Variants in RPGRIP1L observed in about 807,000 individuals in gnomAD.
RPGRIP1L encodes protein fantom.
RPGRIP1L carries 131 observed loss-of-function variants against 160.4 expected under a neutral mutation model. The ratio of observed to expected loss-of-function variants is 0.82; its 90% CI spans 0.71 to 0.94. The LOEUF is 0.94. RPGRIP1L is among the 40% of genes least tolerant of loss of function. RPGRIP1L has a pLI of 0.00. For missense variants in RPGRIP1L, 1,522 were observed against 1,535.8 expected (o/e 0.99, Z 0.15); for synonymous variants, 510 against 515.8 (o/e 0.99, Z 0.15).
intron 26 of RPGRIP1L, 125 bp downstream of exon 26, chr16:53,605,356 G>T: frequency 9.4e-7 from 1 of 1,059,254 alleles, no homozygotes. Flanking sequence ...GTCAACTTGA[G>T]TTGTAAAGGA....
At chr16:53,700,373 C>A (rs1971295268) in intron 2 of RPGRIP1L, among the ~76,000 whole-genome samples, 1 of 152,128 alleles carries the variant, frequency 6.6e-6, no homozygotes, top group African/African-American at 2.4e-5. Flanking sequence ...GTAGTTTCTA[C>A]TGATGTGAGG....
At chr16:53,700,081 G>A (rs1047461648) in intron 2 of RPGRIP1L, among the ~76,000 whole-genome samples, 1 of 152,128 alleles carries the variant, frequency 6.6e-6, no homozygotes, top group Non-Finnish European at 1.5e-5. Context: ...GATAAACACA[G>A]CTCTCTGTTC....
At chr16:53,686,196 A>G (rs572417778) in intron 6 of RPGRIP1L, among the ~76,000 whole-genome samples, 1 of 152,274 alleles carries the variant, frequency 6.6e-6, no homozygotes, top group Admixed American at 6.5e-5. Flanking sequence ...AGAAAACAAG[A>G]TGAGGGTGAT....
intron 4 of RPGRIP1L, among the ~76,000 whole-genome samples, chr16:53,691,102 GT>G (rs1598409247): frequency 6.7e-6 from 1 of 149,964 alleles, no homozygotes; most frequent in Non-Finnish European, 1.5e-5. Context: ...GTTCATAGTG[GT>G]TTTTCGTTTT....
chr16:53,668,312 T>C (rs1346453082), intron 9 of RPGRIP1L, among the ~76,000 whole-genome samples: 2 of 152,178 alleles, frequency 1.3e-5, no homozygotes, highest in Admixed American at 1.3e-4. Flanking sequence ...TCAGTAGTGC[T>C]CTTTTACATT....
intron 24 of RPGRIP1L, among the ~76,000 whole-genome samples, chr16:53,612,971 C>A (rs959900536): frequency 1.3e-5 from 2 of 152,126 alleles, no homozygotes; most frequent in African/African-American, 4.8e-5. Context: ...GAATCTGACT[C>A]CCCGAAGTAT....
intron 6 of RPGRIP1L, 109 bp downstream of exon 6, chr16:53,686,324 A>G: frequency 8.2e-7 from 1 of 1,215,492 alleles, no homozygotes; most frequent in Non-Finnish European, 1.2e-6. Flanking sequence ...ATGTTAAGTA[A>G]AAACATGATT....
At chr16:53,693,138 G>C (rs922440255) in intron 3 of RPGRIP1L, among the ~76,000 whole-genome samples, 3 of 152,204 alleles carry the variant, frequency 2.0e-5, no homozygotes, top group African/African-American at 7.2e-5. Flanking sequence ...AAACATGCCT[G>C]ACAGTGAATG....
chr16:53,604,891 CAT>C (rs1196576740), intron 26 of RPGRIP1L, among the ~76,000 whole-genome samples: 2 of 152,012 alleles, frequency 1.3e-5, no homozygotes, highest in East Asian at 1.9e-4. Context: ...CCTAGAAAAA[CAT>C]GTGGCCAGGC....
At chr16:53,631,912 TA>T (rs1366464377) in intron 22 of RPGRIP1L, among the ~76,000 whole-genome samples, 1 of 152,224 alleles carries the variant, frequency 6.6e-6, no homozygotes, top group African/African-American at 2.4e-5. Context: ...TGACTTGATT[TA>T]ATCCAGCCAC....
At chr16:53,605,761 A>G (rs993999663) in intron 25 of RPGRIP1L, 147 bp from the exon 26 acceptor site, 1 of 796,092 alleles carries the variant, frequency 1.3e-6, no homozygotes, top group African/African-American at 1.7e-5. Context: ...TAGGCTAGAT[A>G]AGTTATTATA....
chr16:53,610,773 T>C (rs1963982139), intron 25 of RPGRIP1L, among the ~76,000 whole-genome samples, 194 bp downstream of exon 25: 1 of 152,218 alleles, frequency 6.6e-6, no homozygotes, highest in South Asian at 2.1e-4. Context: ...AATTACTTTG[T>C]ATAGTAGGAA....
At chr16:53,657,402 C>T (rs746823760) in intron 13 of RPGRIP1L, 51 bp downstream of exon 13, 1 of 1,240,070 alleles carries the variant, frequency 8.1e-7, no homozygotes, top group Non-Finnish European at 1.2e-6. Flanking sequence ...GAAAATAAAT[C>T]ATCAGAATAT....
intron 15 of RPGRIP1L, among the ~76,000 whole-genome samples, chr16:53,651,452 TC>T (rs1252721513): frequency 2.6e-5 from 4 of 152,028 alleles, no homozygotes; most frequent in African/African-American, 9.7e-5. Flanking sequence ...GCTCAGAAAA[TC>T]CAAACTCCTC....
chr16:53,696,150 C>A lies in RPGRIP1L; in HGVS notation c.230+1G>T, dbSNP rs786204135. On this transcript the variant is annotated splice_donor_variant, in intron 3 of 26. Transcript: ENST00000647211. LOFTEE classifies it high-confidence loss of function. ...AAAAGCTAAAAGCTTTTTATCATAACCTTTTAATTTTATCCTCCTGCTTGC... is the reference window on the plus strand; with the variant it reads ...AAAAGCTAAAAGCTTTTTATCATAAACTTTTAATTTTATCCTCCTGCTTGC... 6.2e-7 allele frequency: 1 copy of A among 1,613,626 alleles called. No homozygotes were observed.
At position 53,652,716 on chromosome 16, in the gene RPGRIP1L, G is replaced by A. The variant is rs138669723; in HGVS notation, c.1971C>T (p.Phe657=). The A allele has an allele frequency of 2.7e-5, 43 of 1,614,158 alleles. No individual in the cohort carries two copies. The East Asian group carries it at 9.1e-4, about 34-fold the overall frequency. ...TAACATGAACAAGATATTGAGAAGT[G>A]AAGTTATATTCGGGATGAAGGCCTC... ...VVRGLHPEYN[F]TSQYLVHVND... is the part of the protein sequence containing the mutation. The change falls in exon 15 of 27, where the codon TTC becomes TTT. Residue 657 remains phenylalanine (F), a synonymous_variant. Transcript: ENST00000647211.
At chr16:53,629,436 G>T (rs1429396968) in intron 22 of RPGRIP1L, among the ~76,000 whole-genome samples, 1 of 152,124 alleles carries the variant, frequency 6.6e-6, no homozygotes, top group Non-Finnish European at 1.5e-5. Context: ...CAAATTCTCA[G>T]GTGATGCAGA....
intron 6 of RPGRIP1L, among the ~76,000 whole-genome samples, chr16:53,681,849 G>A (rs1204886855): frequency 6.6e-6 from 1 of 152,174 alleles, no homozygotes; most frequent in Non-Finnish European, 1.5e-5. Context: ...TTAGGTTCAT[G>A]TTTGAGAACA....
intron 19 of RPGRIP1L, among the ~76,000 whole-genome samples, 174 bp downstream of exon 19, chr16:53,640,859 T>G (rs1017400660): frequency 2.0e-5 from 3 of 152,062 alleles, no homozygotes; most frequent in Admixed American, 6.6e-5. Context: ...GATAAAAAAT[T>G]TGAACAGTTA....
Sources: gnomAD v4.1 joint callset for allele counts (sites outside exome capture counted in the v4.1 genomes callset) on GRCh38, gnomAD v4.1.1 for gene constraint, MANE v1.5 for transcripts, NCBI Gene and HGNC (gene_info 2026-07-23, HGNC 2026-07-21) for gene names.